BLTP2: variants seen among roughly 807,000 people sequenced by gnomAD.
BLTP2 encodes the protein bridge-like lipid transfer protein family member 2.
At chr17:28,625,354 A>G in the BLTP2 span, among the ~76,000 whole-genome samples, 24 of 147,336 alleles carry the variant, frequency 1.6e-4, no homozygotes, top group East Asian at 1.4e-3. Context: ...AAAAAAAAAA[A>G]AAAAGAAAAA....
the BLTP2 span, chr17:28,624,454 A>G: frequency 6.9e-7 from 1 of 1,449,764 alleles, no homozygotes; most frequent in Non-Finnish European, 9.4e-7. Context: ...TTCCCTTTCC[A>G]GAGCCAAATT....
chr17:28,638,362 CCA>C, the BLTP2 span: 3 of 1,614,186 alleles, frequency 1.9e-6, no homozygotes, highest in Non-Finnish European at 2.5e-6. Context: ...CAGAGGTGGT[CCA>C]CAGTTAGGAC....
At chr17:28,635,747 C>T in the BLTP2 span, 5 of 840,994 alleles carry the variant, frequency 5.9e-6, no homozygotes, top group African/African-American at 8.6e-5. Context: ...ACATTAATTA[C>T]TGCCTTGCTT....
At chr17:28,616,516 A>G in the BLTP2 span, 2 of 1,614,164 alleles carry the variant, frequency 1.2e-6, no homozygotes, top group East Asian at 4.5e-5. This position sits in a 1 kb window ranked among gnomAD's most constrained non-coding sequence, Gnocchi z 4.8. Flanking sequence ...ATTCCTATGA[A>G]AAAGCAAGTG....
chr17:28,633,436 G>C, the BLTP2 span: 1 of 1,592,866 alleles, frequency 6.3e-7, no homozygotes. Context: ...TGAGATATAG[G>C]TAAGAAAACC....
chr17:28,624,968 ACCTTGGGCAGTCTGC>A, the BLTP2 span, among the ~76,000 whole-genome samples: 5 of 152,168 alleles, frequency 3.3e-5, no homozygotes, highest in Non-Finnish European at 7.4e-5. Context: ...CTGTATTGTG[ACCTTGGGCAGTCTGC>A]CCTCTTTGCA....
the BLTP2 span, chr17:28,619,736 G>C: frequency 6.2e-7 from 1 of 1,613,862 alleles, no homozygotes; most frequent in Non-Finnish European, 8.5e-7. Flanking sequence ...TTCTGGTTCA[G>C]GTCAAGCAGA....
chr17:28,628,438 T>C, the BLTP2 span: 1 of 1,614,210 alleles, frequency 6.2e-7, no homozygotes, highest in South Asian at 1.1e-5. Flanking sequence ...AGCTGCCTTT[T>C]TGTACCCATC....
the BLTP2 span, chr17:28,619,916 G>A: frequency 1.9e-6 from 3 of 1,613,876 alleles, no homozygotes; most frequent in Non-Finnish European, 1.7e-6. Flanking sequence ...ACATGCTGCC[G>A]CACAGCCTCC....
chr17:28,631,554 G>C, the BLTP2 span: 1 of 1,614,078 alleles, frequency 6.2e-7, no homozygotes, highest in Non-Finnish European at 8.5e-7. Context: ...TTGTTACCAA[G>C]GGATCAAGAC....
chr17:28,635,653 A>T, the BLTP2 span: 6 of 1,555,432 alleles, frequency 3.9e-6, no homozygotes. Context: ...ACCATGTCAC[A>T]AAACAGTAGA....
At chr17:28,628,226 TAAACCC>T in the BLTP2 span, 1 of 1,594,760 alleles carries the variant, frequency 6.3e-7, no homozygotes, top group Non-Finnish European at 8.6e-7. Flanking sequence ...ATCCATGTTC[TAAACCC>T]AAACCCAAAA....
chr17:28,643,200 C>T, the BLTP2 span: 9 of 1,614,074 alleles, frequency 5.6e-6, no homozygotes, highest in African/African-American at 6.7e-5. Context: ...GGCTGAAGGA[C>T]AGTTCCTTTT....
the BLTP2 span, among the ~76,000 whole-genome samples, chr17:28,625,856 C>T: frequency 6.6e-6 from 1 of 152,180 alleles, no homozygotes. Context: ...ACCTCCACCC[C>T]CAGGTTCAAG....
the BLTP2 span, among the ~76,000 whole-genome samples, chr17:28,624,624 T>C: frequency 3.9e-5 from 6 of 152,320 alleles, no homozygotes; most frequent in South Asian, 1.0e-3. Context: ...AACAGAAACT[T>C]AGAAATGCTA....
At chr17:28,635,631 G>C in the BLTP2 span, 4 of 1,590,154 alleles carry the variant, frequency 2.5e-6, no homozygotes, top group African/African-American at 5.4e-5. Context: ...AGAAGAAAAG[G>C]ATCTGTCAAT....
chr17:28,635,134 A>G, the BLTP2 span: 1 of 1,613,270 alleles, frequency 6.2e-7, no homozygotes, highest in Non-Finnish European at 8.5e-7. Flanking sequence ...GAAAGAGAGG[A>G]GCCAAACACG....
the BLTP2 span, among the ~76,000 whole-genome samples, chr17:28,641,713 C>A: frequency 6.6e-6 from 1 of 151,730 alleles, no homozygotes; most frequent in Non-Finnish European, 1.5e-5. Flanking sequence ...CCACTCAATG[C>A]TGGTTCTGCC....
At chr17:28,632,809 A>T in the BLTP2 span, 1 of 597,020 alleles carries the variant, frequency 1.7e-6, no homozygotes, top group South Asian at 4.2e-5. Context: ...AACAAAAAAA[A>T]AGGTCCTAAC....
Sources: allele counts gnomAD v4.1 joint callset (sites outside exome capture counted in the v4.1 genomes callset), GRCh38; gene constraint gnomAD v4.1.1; non-coding constraint Gnocchi (gnomAD v3.1); transcripts MANE v1.5; gene names NCBI Gene and HGNC (gene_info 2026-07-23, HGNC 2026-07-21).